Variants in IFT88 observed in about 807,000 individuals in gnomAD.
IFT88 encodes intraflagellar transport protein 88 homolog.
IFT88 carries 74 observed loss-of-function variants against 119.5 expected under a neutral mutation model. The observed-to-expected ratio is 0.62, with a 90% CI of 0.51 to 0.75. The LOEUF is 0.75. Ranked by LOEUF, IFT88 falls within the 30% of genes least tolerant of loss-of-function variation. The pLI is 0.00. For synonymous variants in IFT88, 279 were observed against 316.7 expected (o/e 0.88, Z 1.26); for missense variants, 961 against 977.7 (o/e 0.98, Z 0.23).
Position 20,638,313 on chromosome 13 carries a change from G to T in IFT88, c.1387-19G>T. ...GTATTTCATGAAATTCAAATAATTTGTATATGTATTTTACTTAGGGAAAGG... is the reference window on the plus strand; with the variant it reads ...GTATTTCATGAAATTCAAATAATTTTTATATGTATTTTACTTAGGGAAAGG... On this transcript the variant is annotated intron_variant, in intron 16 of 25. Coordinates refer to ENST00000351808, the MANE Select transcript of IFT88 (RefSeq NM_006531.5). 7.9e-7 allele frequency: 1 copy of T among 1,265,244 alleles called. No homozygotes were observed. 78.4% of individuals were successfully genotyped at this position (1,265,244 alleles called of 1,614,324 possible). A position where few individuals can be genotyped will look rare whatever the true frequency, so the allele number is the denominator to read the frequency against.
chr13:20,608,378 T>C (rs1052430808), intron 13 of IFT88, among the ~76,000 whole-genome samples: 1 of 152,190 alleles, frequency 6.6e-6, no homozygotes, highest in African/African-American at 2.4e-5. Flanking sequence ...CAGACACTGG[T>C]GTCTCATGCT....
At chr13:20,583,146 T>C (rs916043286) in intron 3 of IFT88, 127 bp downstream of exon 3, 3 of 551,486 alleles carry the variant, frequency 5.4e-6, no homozygotes, top group Non-Finnish European at 9.6e-6. Context: ...GTTTAGATGG[T>C]AGTGAAACAG....
At chr13:20,569,128 A>G (rs2035646370) in intron 1 of IFT88, among the ~76,000 whole-genome samples, 1 of 152,222 alleles carries the variant, frequency 6.6e-6, no homozygotes, top group African/African-American at 2.4e-5. Flanking sequence ...AATTAACTCA[A>G]AATGGATCAA....
intron 14 of IFT88, among the ~76,000 whole-genome samples, chr13:20,616,100 A>G (rs930629694): frequency 2.0e-5 from 3 of 152,246 alleles, no homozygotes; most frequent in African/African-American, 7.2e-5. Context: ...GTTATATAAC[A>G]CATTTCAGTC....
intron 3 of IFT88, among the ~76,000 whole-genome samples, chr13:20,586,542 T>TG (rs11434787): frequency 6.6e-6 from 1 of 152,120 alleles, no homozygotes; most frequent in East Asian, 1.9e-4. Context: ...GACCTTGAGA[T>TG]CAGGAGAAAA....
intron 20 of IFT88, among the ~76,000 whole-genome samples, chr13:20,651,981 A>G (rs141367013): frequency 1.5e-3 from 225 of 152,336 alleles, no homozygotes; most frequent in African/African-American, 5.2e-3. Flanking sequence ...ACACAAAAGA[A>G]CAAATACTCC....
rs2048116797 is a variant in IFT88 at position 20,630,982 on chromosome 13, C to T, written c.1300-34C>T. 3 of 1,218,340 alleles carry T rather than the reference C, an allele frequency of 2.5e-6. No individual in the cohort carries two copies. In the East Asian group the frequency reaches 7.9e-5, roughly 32 times the overall value. The allele number at this position is 1,218,340 out of a possible 1,614,324, so 75.5% of individuals were successfully genotyped here. On this transcript the variant is annotated intron_variant, in intron 15 of 25. Transcript: ENST00000351808. ...CATAAGCTTGAGTACTGTCATATTA[C>T]AGTGGTAGTAACCTTCAGATATTCC... is the stretch of plus-strand genomic sequence containing the variant.
chr13:20,644,252 C>T (rs2050399949), intron 19 of IFT88, among the ~76,000 whole-genome samples: 2 of 152,214 alleles, frequency 1.3e-5, no homozygotes, highest in South Asian at 4.1e-4. Context: ...TTAATCCCAG[C>T]ACTTTGGGAG....
intron 24 of IFT88, among the ~76,000 whole-genome samples, chr13:20,688,585 C>T (rs2058187863): frequency 6.6e-6 from 1 of 152,132 alleles, no homozygotes; most frequent in Non-Finnish European, 1.5e-5. Context: ...TTAAATCCTC[C>T]TTGGAGGAAT....
chr13:20,585,615 G>A (rs2039517260), intron 3 of IFT88, among the ~76,000 whole-genome samples: 1 of 152,204 alleles, frequency 6.6e-6, no homozygotes, highest in Non-Finnish European at 1.5e-5. Flanking sequence ...AACTCCAGAA[G>A]CTGATGTGTC....
intron 16 of IFT88, among the ~76,000 whole-genome samples, chr13:20,632,422 A>G (rs961232570): frequency 6.6e-6 from 1 of 152,208 alleles, no homozygotes; most frequent in Non-Finnish European, 1.5e-5. Context: ...ACCATCTACC[A>G]GGGTGGTAAA....
At chr13:20,644,352 T>TA (rs1358989492) in intron 19 of IFT88, among the ~76,000 whole-genome samples, 2 of 152,146 alleles carry the variant, frequency 1.3e-5, no homozygotes, top group South Asian at 2.1e-4. Flanking sequence ...ACACAAAAAT[T>TA]AGCCAAATGT....
At chr13:20,631,250 A>C in intron 16 of IFT88, 148 bp downstream of exon 16, 1 of 591,918 alleles carries the variant, frequency 1.7e-6, no homozygotes, top group Non-Finnish European at 3.0e-6. Context: ...GATCCTGACA[A>C]GTGCCAGGCC....
intron 22 of IFT88, 71 bp from the exon 23 acceptor site, chr13:20,663,427 A>C: frequency 1.3e-6 from 2 of 1,580,280 alleles, no homozygotes; most frequent in Non-Finnish European, 1.7e-6. Context: ...GACTGAGTTC[A>C]CTGATTTATT....
At chr13:20,686,807 C>T (rs2057962146) in intron 24 of IFT88, among the ~76,000 whole-genome samples, 1 of 151,908 alleles carries the variant, frequency 6.6e-6, no homozygotes, top group African/African-American at 2.4e-5. Context: ...ACTGTCTTTC[C>T]TTGGAAACAA....
At position 20,606,679 on chromosome 13, in the gene IFT88, G is replaced by A. The variant is rs138804239; in HGVS notation, c.1112+1574G>A. On this transcript the variant is annotated intron_variant, in intron 13 of 25. Coordinates refer to ENST00000351808, the MANE Select transcript of IFT88 (RefSeq NM_006531.5). ...AGATAACCTGAGGTCAAAAGTTCGA[G>A]ACCAGCCTGACCAATATGGTGAAAC... Among the ~76,000 whole-genome samples, 382 of 152,278 alleles carry A rather than the reference G, an allele frequency of 2.5e-3. 4 individuals are homozygous for A. Among genetic ancestry groups the A allele is most frequent in the African/African-American group, 8.2e-3 (339 of 41,544 alleles).
Position 20,601,946 on chromosome 13 carries a change from AAG to A in IFT88, c.1041+15_1041+16del. 3 of 1,436,666 alleles carry A rather than the reference AAG, an allele frequency of 2.1e-6. No individual in the cohort carries two copies. The South Asian group carries it at 3.5e-5, about 17-fold the overall frequency. 89.0% of individuals were successfully genotyped at this position (1,436,666 alleles called of 1,614,324 possible). Reference sequence around the variant, plus strand: ...TATTTCACCAAGTGTGAGTATGAAAAAGACATTTCTGTAGCCACTTCCCACTT... The same window carrying A: ...TATTTCACCAAGTGTGAGTATGAAAAACATTTCTGTAGCCACTTCCCACTT... On this transcript the variant is annotated intron_variant, in intron 12 of 25. Coordinates refer to ENST00000351808, the MANE Select transcript of IFT88 (RefSeq NM_006531.5).
In IFT88 at chr13:20,605,050, A is replaced by G. The variant is rs1215437675; in HGVS notation, c.1057A>G (p.Asn353Asp). 6.7e-7 allele frequency: 1 copy of G among 1,482,306 alleles called. No individual in the cohort carries two copies. The allele number at this position is 1,482,306 out of a possible 1,614,324, so 91.8% of individuals were successfully genotyped here. A position where few individuals can be genotyped will look rare whatever the true frequency, so the allele number is the denominator to read the frequency against. ...YISPSDDPHT[N>D]LVTEAIKNDH... ...ATTTTACCAGGATGATCCTCATACT[A>G]ACTTAGTAACTGAAGCTATAAAAAA... The change falls in exon 13 of 26, where the codon AAC becomes GAC. Residue 353 changes from asparagine to aspartate, a missense_variant. Asn to Asp is a conservative substitution (Grantham distance 23). Transcript: ENST00000351808.
chr13:20,643,426 C>A (rs781305797), intron 18 of IFT88, 29 bp from the exon 19 acceptor site: 2 of 1,553,108 alleles, frequency 1.3e-6, no homozygotes, highest in South Asian at 2.4e-5. Context: ...ATTTAGAAAA[C>A]ATGTTTTCCT....
Sources: gnomAD v4.1 joint callset for allele counts (sites outside exome capture counted in the v4.1 genomes callset) on GRCh38, gnomAD v4.1.1 for gene constraint, MANE v1.5 for transcripts, NCBI Gene and HGNC (gene_info 2026-07-23, HGNC 2026-07-21) for gene names.